Variants in COG5 observed in about 807,000 individuals in gnomAD.
The protein encoded by COG5 is conserved oligomeric Golgi complex subunit 5.
In COG5, 86 loss-of-function variants were observed where a neutral mutation model predicts 110.4. The observed-to-expected ratio is 0.78, with a 90% CI of 0.65 to 0.93. The LOEUF is 0.93. Ranked by LOEUF, COG5 falls within the 40% of genes least tolerant of loss-of-function variation. The pLI is 0.00. For missense variants in COG5, 1,077 were observed against 987.0 expected (o/e 1.09, Z -1.22); for synonymous variants, 360 against 334.6 (o/e 1.08, Z -0.83).
At chr7:107,249,901 T>C (rs1014174545) in intron 16 of COG5, among the ~76,000 whole-genome samples, 17 of 151,932 alleles carry the variant, frequency 1.1e-4, no homozygotes, top group Non-Finnish European at 1.5e-4. Context: ...TTCCCAAGCA[T>C]AGGAGTTTGG....
chr7:107,311,788 T>G (rs1808294478), intron 11 of COG5, among the ~76,000 whole-genome samples: 1 of 152,126 alleles, frequency 6.6e-6, no homozygotes, highest in South Asian at 2.1e-4. Context: ...TAGTGTTAAT[T>G]AAAAATTTTT....
chr7:107,432,563 G>A (rs757783179), intron 6 of COG5, among the ~76,000 whole-genome samples: 1 of 152,152 alleles, frequency 6.6e-6, no homozygotes, highest in African/African-American at 2.4e-5. Flanking sequence ...TCGTTTCAGT[G>A]TAAGAATATC....
intron 17 of COG5, among the ~76,000 whole-genome samples, chr7:107,240,132 G>C (rs185884753): frequency 6.6e-6 from 1 of 152,252 alleles, no homozygotes; most frequent in African/African-American, 2.4e-5. Context: ...TTTAATTTTT[G>C]TCTAATTTGG....
At chr7:107,446,829 A>G (rs1272535721) in intron 6 of COG5, among the ~76,000 whole-genome samples, 1 of 152,168 alleles carries the variant, frequency 6.6e-6, no homozygotes, top group Non-Finnish European at 1.5e-5. Context: ...TCACCCAGCT[A>G]AGCCACTTCT....
chr7:107,470,918 C>A (rs1796595499), intron 6 of COG5, among the ~76,000 whole-genome samples: 1 of 151,776 alleles, frequency 6.6e-6, no homozygotes, highest in Admixed American at 6.6e-5. Context: ...TTTATAGTAT[C>A]TTATGAAATC....
At chr7:107,321,268 G>C (rs1213328505) in intron 11 of COG5, among the ~76,000 whole-genome samples, 1 of 152,098 alleles carries the variant, frequency 6.6e-6, no homozygotes, top group Non-Finnish European at 1.5e-5. Context: ...AGATTTGTTA[G>C]AACTGCATGC....
intron 12 of COG5, among the ~76,000 whole-genome samples, chr7:107,287,216 G>A (rs1192187185): frequency 1.3e-5 from 2 of 152,186 alleles, no homozygotes; most frequent in Non-Finnish European, 2.9e-5. Context: ...AGTAGGACTT[G>A]CAATTTTAGT....
intron 14 of COG5, among the ~76,000 whole-genome samples, chr7:107,262,235 T>C (rs1037719866): frequency 6.6e-6 from 1 of 152,116 alleles, no homozygotes; most frequent in Non-Finnish European, 1.5e-5. Context: ...CCTTGAGACC[T>C]CCCAAATGTA....
chr7:107,441,636 C>T (rs1794712737), intron 6 of COG5, among the ~76,000 whole-genome samples: 1 of 152,200 alleles, frequency 6.6e-6, no homozygotes, highest in Admixed American at 6.5e-5. Flanking sequence ...TCTTTCAAAA[C>T]TCAGTTCAAG....
chr7:107,402,193 T>C (rs1358141870), intron 7 of COG5, among the ~76,000 whole-genome samples: 3 of 152,172 alleles, frequency 2.0e-5, no homozygotes, highest in Non-Finnish European at 2.9e-5. Context: ...TGGCTGACAG[T>C]TGATAAGCAC....
intron 14 of COG5, among the ~76,000 whole-genome samples, chr7:107,271,550 A>G (rs1358050554): frequency 2.6e-5 from 4 of 152,098 alleles, no homozygotes; most frequent in Non-Finnish European, 5.9e-5. Context: ...CTGGAATTTG[A>G]TATTTTCTGC....
At chr7:107,231,449 G>A (rs1800768616) in intron 18 of COG5, among the ~76,000 whole-genome samples, 2 of 152,030 alleles carry the variant, frequency 1.3e-5, no homozygotes, top group African/African-American at 4.8e-5. Context: ...AATTCTACTT[G>A]TCATTAATTA....
Position 107,204,492 on chromosome 7 carries a change from G to A in COG5, c.2376-862C>T, listed in dbSNP as rs1192610266. 2.0e-5 allele frequency among the ~76,000 whole-genome samples: 3 copies of A among 152,026 alleles called. No homozygotes were observed. In the East Asian group the frequency reaches 5.8e-4, roughly 29 times the overall value. The stretch of plus-strand genomic sequence containing the variant: ...AATTATTGGTCTATTTAAGTACCAG[G>A]TACACAAATACATTTTTGTCATATT... On this transcript the variant is annotated intron_variant, in intron 21 of 21. Coordinates refer to ENST00000297135, the MANE Select transcript of COG5 (RefSeq NM_006348.5).
intron 7 of COG5, among the ~76,000 whole-genome samples, chr7:107,374,414 A>T (rs895896484): frequency 1.3e-5 from 2 of 152,074 alleles, no homozygotes; most frequent in Non-Finnish European, 2.9e-5. Context: ...TTAAAACTAT[A>T]TTTATTGCCT....
At chr7:107,411,442 G>A (rs1792288497) in intron 7 of COG5, among the ~76,000 whole-genome samples, 1 of 151,968 alleles carries the variant, frequency 6.6e-6, no homozygotes, top group African/African-American at 2.4e-5. Context: ...AATCTCTAAT[G>A]TTAGAAGTTA....
rs142258382 is a variant in COG5, at chr7:107,475,226, T to C, written c.538+52011A>G. The C allele has an allele frequency of 4.6e-4, 746 of 1,611,020 alleles. 1 individual carries two copies. The highest frequency in any genetic ancestry group is 5.6e-4 in the Non-Finnish European group (663 of 1,177,628). On this transcript the variant is annotated intron_variant, in intron 6 of 21. Transcript: ENST00000297135. ...AAAATGAAAAAGCGAGTTGTTTCTA[T>C]AGTAGAAGCTGATCCCCTGCCTAAT...
At chr7:107,493,849 A>G (rs187006101) in intron 6 of COG5, among the ~76,000 whole-genome samples, 1 of 152,322 alleles carries the variant, frequency 6.6e-6, no homozygotes, top group African/African-American at 2.4e-5. Flanking sequence ...AGAAAGAACA[A>G]CTTCTATTGG....
intron 1 of COG5, 103 bp downstream of exon 1, chr7:107,563,700 G>A (rs1171628770): frequency 7.2e-7 from 1 of 1,391,366 alleles, no homozygotes; most frequent in African/African-American, 1.4e-5. Context: ...CGTCCAGACT[G>A]GAAAACTTTC....
chr7:107,413,760 T>C (rs1432982854), intron 6 of COG5, among the ~76,000 whole-genome samples: 4 of 152,194 alleles, frequency 2.6e-5, no homozygotes, highest in Admixed American at 2.0e-4. Flanking sequence ...CCAATAACAA[T>C]GACTAACATT....
Sources: gnomAD v4.1 joint callset for allele counts (sites outside exome capture counted in the v4.1 genomes callset) on GRCh38, gnomAD v4.1.1 for gene constraint, MANE v1.5 for transcripts, NCBI Gene and HGNC (gene_info 2026-07-23, HGNC 2026-07-21) for gene names.